SPATA6: variants seen among roughly 807,000 people sequenced by gnomAD.
SPATA6 encodes the protein spermatogenesis associated 6.
A neutral mutation model predicts 65.3 loss-of-function variants in SPATA6; 56 were observed. The observed-to-expected ratio is 0.86, with a 90% CI of 0.69 to 1.07. The LOEUF (loss-of-function observed/expected upper bound fraction) is 1.07, where lower values mean the gene tolerates loss of function less well. Ranked by LOEUF, SPATA6 falls within the 50% of genes least tolerant of loss-of-function variation. The pLI is 0.00. For synonymous variants in SPATA6, 199 were observed against 213.2 expected (o/e 0.93, Z 0.58); for missense variants, 590 against 594.8 (o/e 0.99, Z 0.08).
intron 3 of SPATA6, among the ~76,000 whole-genome samples, chr1:48,414,172 T>C (rs1292227190): frequency 6.6e-6 from 1 of 152,188 alleles, no homozygotes; most frequent in African/African-American, 2.4e-5. Context: ...AGATTAAAAC[T>C]CCAGAGAAAT....
intron 3 of SPATA6, among the ~76,000 whole-genome samples, chr1:48,425,714 G>C (rs1405904684): frequency 6.6e-6 from 1 of 152,006 alleles, no homozygotes; most frequent in Non-Finnish European, 1.5e-5. Context: ...ATGAAGCAAT[G>C]GGAATAAGTC....
intron 1 of SPATA6, among the ~76,000 whole-genome samples, chr1:48,455,868 T>C (rs552477050): frequency 1.4e-4 from 22 of 152,164 alleles, no homozygotes; most frequent in South Asian, 6.2e-4. Flanking sequence ...ATTCTACAAA[T>C]TCTGCTATCT....
chr1:48,459,142 T>G (rs1194003068), intron 1 of SPATA6, among the ~76,000 whole-genome samples: 1 of 142,226 alleles, frequency 7.0e-6, no homozygotes, highest in Non-Finnish European at 1.5e-5. Flanking sequence ...GAGGTGGTGG[T>G]CGCAGTGAGA....
At chr1:48,281,208 C>G in the SPATA6 span, among the ~76,000 whole-genome samples, 1 of 151,856 alleles carries the variant, frequency 6.6e-6, no homozygotes, top group African/African-American at 2.4e-5. Flanking sequence ...CTATCTATGA[C>G]AAACCCACAG....
At chr1:48,432,584 T>C (rs1305333158) in intron 3 of SPATA6, among the ~76,000 whole-genome samples, 1 of 152,150 alleles carries the variant, frequency 6.6e-6, no homozygotes, top group Non-Finnish European at 1.5e-5. Flanking sequence ...TAAAATGAGA[T>C]ACCATCTCAC....
At chr1:48,336,173 C>T (rs967928144) in intron 11 of SPATA6, among the ~76,000 whole-genome samples, 12 of 152,072 alleles carry the variant, frequency 7.9e-5, no homozygotes, top group African/African-American at 2.9e-4. Context: ...TGCCTATACA[C>T]TGCTGGCTGG....
At chr1:48,369,444 T>C (rs1035494013) in intron 9 of SPATA6, among the ~76,000 whole-genome samples, 2 of 152,230 alleles carry the variant, frequency 1.3e-5, no homozygotes, top group Non-Finnish European at 2.9e-5. Context: ...TCGAGCTTCC[T>C]GGCTCCTTTG....
chr1:48,378,972 T>C (rs146176453), intron 9 of SPATA6, among the ~76,000 whole-genome samples: 7 of 152,338 alleles, frequency 4.6e-5, no homozygotes, highest in Non-Finnish European at 7.3e-5. Flanking sequence ...GAAGACATAA[T>C]GTTAAGTTAA....
chr1:48,436,364 G>A (rs1037094834), intron 3 of SPATA6: 2 of 1,611,978 alleles, frequency 1.2e-6, no homozygotes, highest in East Asian at 2.2e-5. Flanking sequence ...AGCTGGCTTT[G>A]GGTTATTTCT....
chr1:48,284,165 A>G, the SPATA6 span, among the ~76,000 whole-genome samples: 3 of 150,984 alleles, frequency 2.0e-5, no homozygotes, highest in Non-Finnish European at 4.4e-5. Flanking sequence ...TCTTCACACT[A>G]TTTCATTAAG....
chr1:48,469,049 C>T (rs1409210197), intron 1 of SPATA6, among the ~76,000 whole-genome samples: 6 of 152,164 alleles, frequency 3.9e-5, no homozygotes, highest in African/African-American at 1.4e-4. Context: ...CATACTACAG[C>T]TTCAAACTCC....
At position 48,391,562 on chromosome 1, in the gene SPATA6, C is replaced by T. The variant is rs1284858193; in HGVS notation, c.868+3705G>A. Among the ~76,000 whole-genome samples the T allele has an allele frequency of 2.0e-5, 3 of 152,132 alleles. No individual in the cohort carries two copies. In the East Asian group the frequency reaches 5.8e-4, roughly 29 times the overall value. On this transcript the variant is annotated intron_variant, in intron 8 of 12. Transcript: ENST00000371847. ...TTTGCACAGGTTTATAATTTTATTC[C>T]TACAAATTAATCTATTACTTTGATC...
At chr1:48,434,304 A>G (rs1654687104) in intron 3 of SPATA6, among the ~76,000 whole-genome samples, 1 of 151,830 alleles carries the variant, frequency 6.6e-6, no homozygotes. Context: ...CTCCTATAAA[A>G]CTGTTATTCT....
intron 12 of SPATA6, among the ~76,000 whole-genome samples, chr1:48,302,411 T>C (rs944010834): frequency 1.3e-5 from 2 of 152,190 alleles, no homozygotes; most frequent in African/African-American, 2.4e-5. Context: ...CCAGTGTTTA[T>C]TATACCTCTC....
At position 48,317,982 on chromosome 1, in the gene SPATA6, AG is replaced by A. The variant is rs566664188; in HGVS notation, c.1195-12105del. 7.9e-4 allele frequency among the ~76,000 whole-genome samples: 120 copies of A among 152,360 alleles called. 1 individual carries two copies. The highest frequency in any genetic ancestry group is 2.8e-3 in the African/African-American group (117 of 41,588). ...CCACAACCAACTGGGAATTATCCAA[AG>A]AATGCAAGGTTGACTCATATAAAAT... is the stretch of plus-strand genomic sequence containing the variant. On this transcript the variant is annotated intron_variant, in intron 11 of 12. Transcript: ENST00000371847.
intron 1 of SPATA6, among the ~76,000 whole-genome samples, chr1:48,469,706 T>TA (rs941322516): frequency 1.3e-5 from 2 of 151,518 alleles, no homozygotes; most frequent in African/African-American, 4.9e-5. Flanking sequence ...ATGAAGATGT[T>TA]AAAAATATCT....
chr1:48,366,181 C>T (rs2148838717), intron 9 of SPATA6, among the ~76,000 whole-genome samples: 1 of 152,270 alleles, frequency 6.6e-6, no homozygotes, highest in South Asian at 2.1e-4. Flanking sequence ...TGATGTGCTG[C>T]TGGATTCGGT....
Position 48,317,404 on chromosome 1 carries a change from A to G in SPATA6, c.1195-11526T>C, listed in dbSNP as rs1294987073. Among the ~76,000 whole-genome samples the G allele has an allele frequency of 3.3e-5, 5 of 152,268 alleles. No individual in the cohort carries two copies. The East Asian group carries it at 9.6e-4, about 29-fold the overall frequency. ...GACATGGATGAAGCTGGAAACCATCATTCTCAGCAAACTATTGCAAGGACA... is the reference window on the plus strand; with the variant it reads ...GACATGGATGAAGCTGGAAACCATCGTTCTCAGCAAACTATTGCAAGGACA... On this transcript the variant is annotated intron_variant, in intron 11 of 12. Transcript: ENST00000371847.
chr1:48,362,866 G>C (rs575604308), intron 9 of SPATA6, among the ~76,000 whole-genome samples: 74 of 152,242 alleles, frequency 4.9e-4, no homozygotes, highest in Admixed American at 1.2e-3. Flanking sequence ...GAATATCATA[G>C]AGGTGGGAGG....
Sources: allele counts gnomAD v4.1 joint callset (sites outside exome capture counted in the v4.1 genomes callset), GRCh38; gene constraint gnomAD v4.1.1; transcripts MANE v1.5; gene names NCBI Gene and HGNC (gene_info 2026-07-23, HGNC 2026-07-21).